The following UNC13C variants were observed in gnomAD, a reference collection of about 807,000 sequenced individuals.
UNC13C encodes the protein unc-13 homolog C.
Under a neutral mutation model 245.4 loss-of-function variants are expected in UNC13C, and 174 were observed. The observed-to-expected ratio is 0.71, with a 90% CI of 0.63 to 0.80. UNC13C has a LOEUF of 0.80. UNC13C is among the 30% of genes least tolerant of loss of function. The probability of loss-of-function intolerance (pLI) is 0.00; values close to 1 mark genes in which losing one functional copy is unlikely to be tolerated. For missense variants in UNC13C, 2,829 were observed against 2,602.9 expected (o/e 1.09, Z -1.89); for synonymous variants, 992 against 895.1 (o/e 1.11, Z -1.93).
chr15:54,401,681 A>G, intron 18 of UNC13C, among the ~76,000 whole-genome samples: 1 of 151,992 alleles, frequency 6.6e-6, no homozygotes, highest in Non-Finnish European at 1.5e-5. Flanking sequence ...AGCAGATACA[A>G]GAATAGCAGA....
At chr15:54,384,273 T>G (rs2039789316) in intron 17 of UNC13C, among the ~76,000 whole-genome samples, 1 of 152,030 alleles carries the variant, frequency 6.6e-6, no homozygotes, top group Non-Finnish European at 1.5e-5. Flanking sequence ...ACAAAGCTAT[T>G]GTAACCATGA....
At chr15:54,030,489 ATTATTG>A (rs1834956889) in intron 2 of UNC13C, among the ~76,000 whole-genome samples, 1 of 152,232 alleles carries the variant, frequency 6.6e-6, no homozygotes, top group South Asian at 2.1e-4. Flanking sequence ...TCGGGTAGAA[ATTATTG>A]TTAGTAGTAG....
intron 2 of UNC13C, among the ~76,000 whole-genome samples, chr15:54,091,764 C>CT (rs11397201): frequency 0.69 from 104,101 of 151,494 alleles, 36,388 homozygotes; most frequent in Non-Finnish European, 0.75. Context: ...TCAATTGATA[C>CT]TTTTTTTTAA....
chr15:54,170,645 A>G (rs980504938), intron 4 of UNC13C, among the ~76,000 whole-genome samples: 8 of 152,120 alleles, frequency 5.3e-5, no homozygotes, highest in African/African-American at 1.7e-4. Context: ...TTTATCTGTT[A>G]TACTATACAT....
intron 29 of UNC13C, among the ~76,000 whole-genome samples, chr15:54,566,979 T>C (rs556821968): frequency 1.3e-5 from 2 of 152,230 alleles, no homozygotes; most frequent in South Asian, 4.1e-4. Flanking sequence ...CTAAACTTAA[T>C]AGAATGTTAT....
At chr15:54,403,201 C>A (rs749729704) in intron 18 of UNC13C, among the ~76,000 whole-genome samples, 3 of 152,170 alleles carry the variant, frequency 2.0e-5, no homozygotes, top group Non-Finnish European at 1.5e-5. Context: ...TCTCCAACTC[C>A]TTTGTCATAC....
At chr15:54,019,067 C>T (rs1296911240) in intron 2 of UNC13C, among the ~76,000 whole-genome samples, 3 of 152,164 alleles carry the variant, frequency 2.0e-5, no homozygotes, top group Non-Finnish European at 4.4e-5. Context: ...AGGCCCTTTC[C>T]AGGCTGTTTA....
intron 1 of UNC13C, among the ~76,000 whole-genome samples, chr15:53,984,563 C>T (rs781584061): frequency 6.6e-6 from 1 of 152,018 alleles, no homozygotes; most frequent in Non-Finnish European, 1.5e-5. Flanking sequence ...CTATAAAGAC[C>T]ATTGCTTCAC....
intron 4 of UNC13C, among the ~76,000 whole-genome samples, chr15:54,224,785 C>A (rs2035327482): frequency 6.6e-6 from 1 of 152,070 alleles, no homozygotes; most frequent in Non-Finnish European, 1.5e-5. Context: ...CCAGGCTTTT[C>A]TATGCTCAGA....
At chr15:54,463,265 C>CGGGGGGGGGGGGG (rs559539986) in intron 19 of UNC13C, among the ~76,000 whole-genome samples, 1 of 26,208 alleles carries the variant, frequency 3.8e-5, no homozygotes, top group Non-Finnish European at 5.9e-5. Context: ...AGAATGTGGG[C>CGGGGGGGGGGGGG]GGGGGGGGGG....
rs767363294 is a variant in UNC13C at position 54,627,136 on chromosome 15, CATAACT to C, written c.*28_*33del. On this transcript the variant is annotated 3_prime_UTR_variant, in exon 33 of 33. Coordinates refer to ENST00000260323, the MANE Select transcript of UNC13C (RefSeq NM_001080534.3). Reference sequence around the variant, plus strand: ...TGAAACAAACACTGCAAGCTAAATACATAACTATAATTGTTTGACTACTGCATGCAT... The same window carrying C: ...TGAAACAAACACTGCAAGCTAAATACATAATTGTTTGACTACTGCATGCAT... 4.4e-6 allele frequency: 7 copies of C among 1,586,660 alleles called. No homozygotes were observed. The highest frequency in any genetic ancestry group is 2.2e-5 in the East Asian group (1 of 44,586).
intron 19 of UNC13C, among the ~76,000 whole-genome samples, chr15:54,447,500 G>A (rs1387436256): frequency 6.6e-6 from 1 of 152,110 alleles, no homozygotes; most frequent in Admixed American, 6.6e-5. Flanking sequence ...TTTAGTCTTG[G>A]GAGGATGTAT....
rs3083082 is a variant in UNC13C, at chr15:54,310,776, C to A, written c.4268+10403C>A. On this transcript the variant is annotated intron_variant, in intron 13 of 32. Coordinates refer to ENST00000260323, the MANE Select transcript of UNC13C (RefSeq NM_001080534.3). ...TCTATATCTATATCTATATCTATATCTATATATATGTACATACACACACAC... is the reference window on the plus strand; with the variant it reads ...TCTATATCTATATCTATATCTATATATATATATATGTACATACACACACAC... Among the ~76,000 whole-genome samples the A allele has an allele frequency of 2.4e-3, 227 of 95,964 alleles. 1 individual carries two copies. In the South Asian group the frequency reaches 0.044, roughly 19 times the overall value. The allele number at this position is 95,964 out of a possible 152,430, so 63.0% of individuals were successfully genotyped here. A position where few individuals can be genotyped will look rare whatever the true frequency, so the allele number is the denominator to read the frequency against.
intron 17 of UNC13C, among the ~76,000 whole-genome samples, chr15:54,390,545 T>C (rs1396364761): frequency 2.6e-5 from 4 of 152,094 alleles, no homozygotes; most frequent in African/African-American, 7.2e-5. Context: ...ATAATTATGA[T>C]TGATTTACTG....
the UNC13C span, among the ~76,000 whole-genome samples, chr15:53,868,115 A>G: frequency 6.6e-6 from 1 of 152,202 alleles, no homozygotes; most frequent in Non-Finnish European, 1.5e-5. Context: ...GATTACAGAC[A>G]TAAGCCACCA....
chr15:54,285,250 G>A (rs776989568), intron 10 of UNC13C, among the ~76,000 whole-genome samples: 1 of 151,608 alleles, frequency 6.6e-6, no homozygotes, highest in Non-Finnish European at 1.5e-5. Flanking sequence ...AAAGTGTTGA[G>A]GACTCTTTTT....
intron 4 of UNC13C, among the ~76,000 whole-genome samples, chr15:54,229,456 G>T (rs558783770): frequency 3.3e-5 from 5 of 152,138 alleles, no homozygotes; most frequent in Middle Eastern, 3.4e-3. Flanking sequence ...AAAGCTGACA[G>T]TCTTTTTATT....
chr15:54,606,875 G>A (rs2141281795), intron 30 of UNC13C, among the ~76,000 whole-genome samples: 1 of 152,254 alleles, frequency 6.6e-6, no homozygotes, highest in South Asian at 2.1e-4. Context: ...CACATACTCT[G>A]TCCTTAGAGA....
intron 1 of UNC13C, among the ~76,000 whole-genome samples, chr15:54,003,824 A>G (rs1895011200): frequency 6.6e-6 from 1 of 152,182 alleles, no homozygotes. Flanking sequence ...CATCCTGGCT[A>G]ACATGGTGAA....
Sources: gnomAD v4.1 joint callset for allele counts (sites outside exome capture counted in the v4.1 genomes callset) on GRCh38, gnomAD v4.1.1 for gene constraint, MANE v1.5 for transcripts, NCBI Gene and HGNC (gene_info 2026-07-23, HGNC 2026-07-21) for gene names.